IL31RA: variants seen among roughly 807,000 people sequenced by gnomAD.
IL31RA encodes the protein interleukin-31 receptor subunit alpha.
In IL31RA, 66 loss-of-function variants were observed where a neutral mutation model predicts 83.7. The observed-to-expected ratio is 0.79, with a 90% CI of 0.65 to 0.97. IL31RA has a LOEUF of 0.97. Ranked by LOEUF, IL31RA falls within the 50% of genes least tolerant of loss-of-function variation. IL31RA has a pLI of 0.00. For missense variants in IL31RA, 798 were observed against 919.4 expected (o/e 0.87, Z 1.71); for synonymous variants, 325 against 329.0 (o/e 0.99, Z 0.13).
chr5:55,896,818 G>A (rs1450577111), intron 7 of IL31RA, among the ~76,000 whole-genome samples: 15 of 55,606 alleles, frequency 2.7e-4, no homozygotes, highest in East Asian at 8.9e-4. Flanking sequence ...CCTCCCCACC[G>A]CCGCCTTTCT....
At chr5:55,897,768 G>GA (rs377738524) in intron 7 of IL31RA, among the ~76,000 whole-genome samples, 1 of 151,978 alleles carries the variant, frequency 6.6e-6, no homozygotes, top group Non-Finnish European at 1.5e-5. Flanking sequence ...GGCAGATGGA[G>GA]AAAAAAAGAG....
chr5:55,916,296 C>A (rs1202690810), intron 14 of IL31RA, among the ~76,000 whole-genome samples: 5 of 151,952 alleles, frequency 3.3e-5, no homozygotes, highest in African/African-American at 1.2e-4. Context: ...GGAAGAATTA[C>A]CTGAGGCTGA....
intron 4 of IL31RA, among the ~76,000 whole-genome samples, chr5:55,877,704 A>C (rs927160672): frequency 6.6e-6 from 1 of 152,080 alleles, no homozygotes; most frequent in African/African-American, 2.4e-5. Context: ...TGCTGATCTT[A>C]GTTGAAGATC....
intron 6 of IL31RA, among the ~76,000 whole-genome samples, chr5:55,893,470 C>G (rs1428002710): frequency 6.6e-6 from 1 of 152,200 alleles, no homozygotes; most frequent in Non-Finnish European, 1.5e-5. Context: ...CTGCATCAGT[C>G]CAGACAATTG....
chr5:55,891,109 TA>T (rs1414613636), intron 6 of IL31RA, among the ~76,000 whole-genome samples: 1 of 152,240 alleles, frequency 6.6e-6, no homozygotes, highest in African/African-American at 2.4e-5. Context: ...TTCCTATTCT[TA>T]TTATTTATCC....
At chr5:55,896,002 C>T (rs1392788204) in intron 6 of IL31RA, among the ~76,000 whole-genome samples, 3 of 151,862 alleles carry the variant, frequency 2.0e-5, no homozygotes, top group African/African-American at 7.3e-5. Flanking sequence ...TGTGTCATTC[C>T]CAGCTATAAT....
Position 55,903,930 on chromosome 5 carries a change from C to T in IL31RA, c.1070-2176C>T, listed in dbSNP as rs1028132958. On this transcript the variant is annotated intron_variant, in intron 8 of 14. Transcript: ENST00000652347. The surrounding 1 kb of genome is among the most constrained non-coding windows in gnomAD (Gnocchi z 4.7). ...GCTGGTTGGCCATGCTCCCTAAAGT[C>T]TCTAGGGGAGAATCCTTCCTTACCC... 6.6e-6 allele frequency among the ~76,000 whole-genome samples: 1 copy of T among 152,196 alleles called. No homozygotes were observed. The highest frequency in any genetic ancestry group is 1.5e-5 in the Non-Finnish European group (1 of 68,040).
the IL31RA span, among the ~76,000 whole-genome samples, chr5:55,840,789 A>G: frequency 6.6e-6 from 1 of 152,318 alleles, no homozygotes; most frequent in South Asian, 2.1e-4. Context: ...CTTTGCAGGC[A>G]AAATTAAATG....
intron 11 of IL31RA, among the ~76,000 whole-genome samples, chr5:55,909,741 G>A (rs1275347779): frequency 7.3e-6 from 1 of 136,984 alleles, no homozygotes; most frequent in African/African-American, 2.8e-5. Flanking sequence ...TTTTGCTGTT[G>A]TTGCCCAGAC....
chr5:55,873,074 T>C (rs1223080609), intron 4 of IL31RA, among the ~76,000 whole-genome samples: 1 of 152,154 alleles, frequency 6.6e-6, no homozygotes, highest in Non-Finnish European at 1.5e-5. Flanking sequence ...CTCAATCCTT[T>C]GTTTTCTCTT....
At chr5:55,906,490 C>T (rs1749167785) in intron 9 of IL31RA, among the ~76,000 whole-genome samples, 2 of 152,232 alleles carry the variant, frequency 1.3e-5, no homozygotes, top group South Asian at 2.1e-4. Flanking sequence ...TCAAGCAGAC[C>T]AGGTATCTGA....
At chr5:55,889,258 A>G (rs942325250) in intron 5 of IL31RA, among the ~76,000 whole-genome samples, 2 of 152,226 alleles carry the variant, frequency 1.3e-5, no homozygotes, top group Non-Finnish European at 2.9e-5. Context: ...CAGAAATTAT[A>G]TAAAGCAACA....
intron 5 of IL31RA, among the ~76,000 whole-genome samples, chr5:55,886,268 C>CTTGCTTTT (rs1235138364): frequency 1.4e-5 from 1 of 71,510 alleles, no homozygotes; most frequent in African/African-American, 7.3e-5. Flanking sequence ...TGCTTGCTTG[C>CTTGCTTTT]TTTTTTTTTT....
intron 6 of IL31RA, among the ~76,000 whole-genome samples, chr5:55,890,745 A>G (rs1257527666): frequency 6.6e-6 from 1 of 152,232 alleles, no homozygotes; most frequent in Non-Finnish European, 1.5e-5. Flanking sequence ...CTACTCAAAA[A>G]ATAAATAAAG....
chr5:55,867,085 TTGTGTGTGTGTGTTTGTGTG>T (rs1293695473), intron 2 of IL31RA, among the ~76,000 whole-genome samples: 1 of 87,626 alleles, frequency 1.1e-5, no homozygotes. Context: ...GCATGTGTGT[TTGTGTGTGTGTGTTTGTGTG>T]TGTGTGCATG....
chr5:55,868,655 AGGTT>A, intron 2 of IL31RA, 132 bp from the exon 3 acceptor site: 1 of 746,934 alleles, frequency 1.3e-6, no homozygotes, highest in South Asian at 1.4e-5. Flanking sequence ...CCTGATTGCT[AGGTT>A]ACACCTAGCA....
At position 55,908,269 on chromosome 5, in the gene IL31RA, A is replaced by G. The variant is rs1197799028; in HGVS notation, c.1359A>G (p.Pro453=). 1.2e-6 allele frequency: 2 copies of G among 1,614,014 alleles called. No homozygotes were observed. The highest frequency in any genetic ancestry group is 2.2e-5 in the East Asian group (1 of 44,892). Residue 453 remains proline (P), a synonymous_variant, in exon 11 of 15, where the codon CCA becomes CCG. Transcript: ENST00000652347. ...SIQAYAKEGV[P]SEGPETKVEN... ...TTATCCCTCTGTCCTTTCCAGTTCC[A>G]TCAGAAGGTCCTGAGACCAAGGTGG...
At chr5:55,856,179 G>T (rs146341527) in intron 1 of IL31RA, among the ~76,000 whole-genome samples, 5 of 152,318 alleles carry the variant, frequency 3.3e-5, no homozygotes, top group Non-Finnish European at 7.4e-5. Flanking sequence ...TTACAGGCAT[G>T]AGCCACCACG....
At chr5:55,889,596 A>T (rs1008493424) in intron 5 of IL31RA, among the ~76,000 whole-genome samples, 1 of 152,202 alleles carries the variant, frequency 6.6e-6, no homozygotes, top group Admixed American at 6.5e-5. Flanking sequence ...CTGTTCCATG[A>T]GGCAGTATCT....
Sources: allele counts gnomAD v4.1 joint callset (sites outside exome capture counted in the v4.1 genomes callset), GRCh38; gene constraint gnomAD v4.1.1; non-coding constraint Gnocchi (gnomAD v3.1); transcripts MANE v1.5; gene names NCBI Gene and HGNC (gene_info 2026-07-23, HGNC 2026-07-21).